Variants in MAST2 observed in about 807,000 individuals in gnomAD.
MAST2 encodes microtubule-associated serine/threonine-protein kinase 2.
Under a neutral mutation model 147.4 loss-of-function variants are expected in MAST2, and 70 were observed. The observed-to-expected ratio is 0.47, with a 90% confidence interval of 0.39 to 0.58. The LOEUF is 0.58. Among genes scored for constraint, MAST2 ranks in the 20% least tolerant of loss-of-function variants. The pLI, the probability that MAST2 is intolerant of heterozygous loss-of-function variation, is 0.00. For synonymous variants in MAST2, 869 were observed against 896.8 expected (o/e 0.97, Z 0.55); for missense variants, 2,080 against 2,302.3 (o/e 0.90, Z 1.98).
intron 4 of MAST2, among the ~76,000 whole-genome samples, chr1:45,943,520 A>T (rs1657611534): frequency 6.6e-6 from 1 of 152,200 alleles, no homozygotes; most frequent in African/African-American, 2.4e-5. Flanking sequence ...ATGCTTATGA[A>T]ACTTATGAAA....
At chr1:45,966,433 A>C (rs7520050) in intron 5 of MAST2, among the ~76,000 whole-genome samples, 68,718 of 151,298 alleles carry the variant, frequency 0.45, 15,718 homozygotes, top group East Asian at 0.63. Flanking sequence ...AAAAAAAAAA[A>C]AAAAAAAAAC....
intron 5 of MAST2, among the ~76,000 whole-genome samples, chr1:45,985,023 A>T (rs919776651): frequency 1.3e-5 from 2 of 152,240 alleles, no homozygotes; most frequent in Non-Finnish European, 2.9e-5. Context: ...TACTGTGATA[A>T]AATTGATATA....
At chr1:45,913,468 A>C in intron 4 of MAST2, 1 of 460,990 alleles carries the variant, frequency 2.2e-6, no homozygotes, top group African/African-American at 2.1e-5. Context: ...GGAGGTTGCA[A>C]CTGATTTGTG....
intron 4 of MAST2, among the ~76,000 whole-genome samples, chr1:45,956,402 T>G (rs1238961826): frequency 6.6e-6 from 1 of 152,202 alleles, no homozygotes; most frequent in East Asian, 1.9e-4. Context: ...AGACAGCTAT[T>G]CATGGAAATT....
At chr1:45,828,092 A>G (rs1343184042) in intron 2 of MAST2, among the ~76,000 whole-genome samples, 1 of 152,150 alleles carries the variant, frequency 6.6e-6, no homozygotes, top group Non-Finnish European at 1.5e-5. Context: ...CGGCCTCCCA[A>G]AATGCTGGGA....
intron 5 of MAST2, among the ~76,000 whole-genome samples, chr1:45,983,965 C>T (rs530525853): frequency 1.3e-5 from 2 of 152,252 alleles, no homozygotes; most frequent in African/African-American, 4.8e-5. Flanking sequence ...TGAAGATGGA[C>T]GTTTAGAAAT....
intron 4 of MAST2, among the ~76,000 whole-genome samples, chr1:45,927,326 A>G (rs1654537056): frequency 6.6e-6 from 1 of 152,190 alleles, no homozygotes; most frequent in South Asian, 2.1e-4. Context: ...TCTGACCACA[A>G]TTTATTAGGC....
chr1:45,967,178 A>G (rs1202422111), intron 5 of MAST2, among the ~76,000 whole-genome samples: 1 of 151,702 alleles, frequency 6.6e-6, no homozygotes, highest in Non-Finnish European at 1.5e-5. Context: ...GGTTCAAGCG[A>G]TTCTCCTGCC....
intron 1 of MAST2, among the ~76,000 whole-genome samples, chr1:45,818,267 A>G (rs750532953): frequency 7.2e-5 from 11 of 152,196 alleles, no homozygotes; most frequent in Non-Finnish European, 1.6e-4. Context: ...GGGGTTCAGA[A>G]AGCTGTAGTG....
chr1:46,023,829 C>CA lies in MAST2; in HGVS notation c.1631dup (p.Asn544LysfsTer19). 6.2e-7 allele frequency: 1 copy of CA among 1,614,130 alleles called. No individual in the cohort carries two copies. Among genetic ancestry groups the CA allele is most frequent in the Non-Finnish European group, 8.5e-7 (1 of 1,180,044 alleles). ...GGCAGCGCTTTGCCATGAAGAAGATCAACAAGCAGAACCTGATCCTACGGA... is the reference window on the plus strand; with the variant it reads ...GGCAGCGCTTTGCCATGAAGAAGATCAAACAAGCAGAACCTGATCCTACGGA... On this transcript the variant is annotated frameshift_variant, in exon 15 of 29. Coordinates refer to ENST00000361297, the MANE Select transcript of MAST2 (RefSeq NM_015112.3). LOFTEE classifies it high-confidence loss of function. The surrounding 1 kb of genome is among the most constrained non-coding windows in gnomAD (Gnocchi z 4.9).
chr1:45,965,859 G>A (rs369390152), intron 5 of MAST2, among the ~76,000 whole-genome samples: 6 of 152,072 alleles, frequency 3.9e-5, no homozygotes, highest in African/African-American at 1.4e-4. Flanking sequence ...TGCTACATTT[G>A]TTACAGTTGA....
chr1:45,918,226 C>T (rs1246860278), intron 4 of MAST2, among the ~76,000 whole-genome samples: 1 of 152,182 alleles, frequency 6.6e-6, no homozygotes, highest in Non-Finnish European at 1.5e-5. Flanking sequence ...GGTAAGTTGA[C>T]ATAAAAGACC....
At chr1:45,912,011 G>A (rs1051984609) in intron 4 of MAST2, among the ~76,000 whole-genome samples, 1 of 151,894 alleles carries the variant, frequency 6.6e-6, no homozygotes, top group African/African-American at 2.4e-5. Context: ...CAAGGTTGGG[G>A]CTTTTGGCAA....
chr1:45,882,232 A>G lies in MAST2; in HGVS notation c.469-132A>G, dbSNP rs572846730. 21 of 573,290 alleles carry G rather than the reference A, an allele frequency of 3.7e-5. No individual in the cohort carries two copies. In the South Asian group the frequency reaches 5.3e-4, roughly 14 times the overall value. The allele number at this position is 573,290 out of a possible 1,614,324, so 35.5% of individuals were successfully genotyped here. The stretch of plus-strand genomic sequence containing the variant: ...TAAATAAAATTTAAGAGGCAAAGAA[A>G]AAGTTGTTATTTAGAAATATGTGGC... On this transcript the variant is annotated intron_variant, in intron 3 of 28. Transcript: ENST00000361297.
chr1:45,852,249 C>T (rs952225355), intron 3 of MAST2, among the ~76,000 whole-genome samples: 10 of 152,266 alleles, frequency 6.6e-5, no homozygotes, highest in African/African-American at 1.2e-4. Context: ...CATACAGAAC[C>T]GTACTGTCAT....
intron 3 of MAST2, among the ~76,000 whole-genome samples, chr1:45,880,966 CAAAAA>C (rs10660375): frequency 1.8e-4 from 16 of 89,866 alleles, no homozygotes; most frequent in Non-Finnish European, 2.8e-4. Context: ...GACTCCATCT[CAAAAA>C]AAAAAAAAAA....
At position 45,964,508 on chromosome 1, in the gene MAST2, G is replaced by A. The variant is rs544449952; in HGVS notation, c.592+5031G>A. On this transcript the variant is annotated intron_variant, in intron 5 of 28. Transcript: ENST00000361297. Reference sequence around the variant, plus strand: ...GATTTTCTAGTTCATTTGCATAGAGGTGTTTGTAGTATTCTCTGATGGTAG... The same window carrying A: ...GATTTTCTAGTTCATTTGCATAGAGATGTTTGTAGTATTCTCTGATGGTAG... Among the ~76,000 whole-genome samples, 3 of 152,278 alleles carry A rather than the reference G, an allele frequency of 2.0e-5. No homozygotes were observed. The South Asian group carries it at 6.2e-4, about 32-fold the overall frequency.
intron 3 of MAST2, among the ~76,000 whole-genome samples, chr1:45,836,796 T>C (rs1645115718): frequency 6.6e-6 from 1 of 152,190 alleles, no homozygotes; most frequent in African/African-American, 2.4e-5. Flanking sequence ...AATTATGATA[T>C]AGTTATATAA....
chr1:45,983,287 A>C (rs370666862), intron 5 of MAST2, among the ~76,000 whole-genome samples: 1 of 152,194 alleles, frequency 6.6e-6, no homozygotes, highest in South Asian at 2.1e-4. Flanking sequence ...GATGCCTTTC[A>C]TTCTGGTAGG....
Sources: gnomAD v4.1 joint callset for allele counts (sites outside exome capture counted in the v4.1 genomes callset) on GRCh38, gnomAD v4.1.1 for gene constraint, Gnocchi (gnomAD v3.1) non-coding constraint, MANE v1.5 for transcripts, NCBI Gene and HGNC (gene_info 2026-07-23, HGNC 2026-07-21) for gene names.